The following AGBL1 variants were observed in gnomAD, a reference collection of about 807,000 sequenced individuals.
The protein encoded by AGBL1 is cytosolic carboxypeptidase 4.
Under a neutral mutation model 118.9 loss-of-function variants are expected in AGBL1, and 130 were observed. That is an observed-to-expected ratio of 1.09 (90% CI 0.95 to 1.26). The LOEUF (loss-of-function observed/expected upper bound fraction) is 1.26, where lower values mean the gene tolerates loss of function less well. AGBL1 is among the 50% of genes most tolerant of loss of function. AGBL1 has a pLI of 0.00. For missense variants in AGBL1, 1,584 were observed against 1,298.1 expected (o/e 1.22, Z -3.38); for synonymous variants, 555 against 478.9 (o/e 1.16, Z -2.08).
At chr15:86,904,349 T>C (rs955734607) in intron 22 of AGBL1, among the ~76,000 whole-genome samples, 3 of 151,162 alleles carry the variant, frequency 2.0e-5, no homozygotes, top group Non-Finnish European at 3.0e-5. Context: ...ATTTTTTTAG[T>C]ATATAATATT....
Position 86,613,309 on chromosome 15 carries a change from C to T in AGBL1, c.2994+58772C>T, listed in dbSNP as rs1426784618. 2.6e-5 allele frequency among the ~76,000 whole-genome samples: 4 copies of T among 152,112 alleles called. No individual in the cohort carries two copies. The highest frequency in any genetic ancestry group is 1.9e-4 in the East Asian group (1 of 5,182). On this transcript the variant is annotated intron_variant, in intron 21 of 22. Coordinates refer to ENST00000614907, the MANE Select transcript of AGBL1 (RefSeq NM_001386094.1). The surrounding 1 kb of genome is among the most constrained non-coding windows in gnomAD (Gnocchi z 4.2). ...AGAACTGCAGCATGGTGAAGGCAGT[C>T]GAGGTCCCATGAACTTGTAGGTGAC...
intron 22 of AGBL1, among the ~76,000 whole-genome samples, chr15:86,878,668 T>A (rs2079848408): frequency 1.3e-5 from 2 of 152,216 alleles, no homozygotes; most frequent in African/African-American, 4.8e-5. Context: ...AGATCTGTCC[T>A]CTACTGGACT....
At chr15:86,683,955 A>G (rs2086009065) in intron 22 of AGBL1, among the ~76,000 whole-genome samples, 1 of 152,094 alleles carries the variant, frequency 6.6e-6, no homozygotes, top group Non-Finnish European at 1.5e-5. Flanking sequence ...TTTATTAAGT[A>G]CCCTGTGACA....
intron 9 of AGBL1, among the ~76,000 whole-genome samples, chr15:86,258,565 T>G (rs956090552): frequency 6.6e-6 from 1 of 152,228 alleles, no homozygotes; most frequent in Non-Finnish European, 1.5e-5. Flanking sequence ...GAAGAGAGGT[T>G]GGTGAACTTC....
chr15:86,284,668 C>G (rs548256676), intron 16 of AGBL1, among the ~76,000 whole-genome samples: 1 of 152,218 alleles, frequency 6.6e-6, no homozygotes, highest in Admixed American at 6.5e-5. Flanking sequence ...ATTAGGGGAA[C>G]AGAGAGTGCA....
At chr15:86,579,033 T>A (rs1019871627) in intron 21 of AGBL1, among the ~76,000 whole-genome samples, 2 of 152,190 alleles carry the variant, frequency 1.3e-5, no homozygotes, top group Non-Finnish European at 2.9e-5. Flanking sequence ...ATACCCAGCC[T>A]AGGGTATAAC....
chr15:86,623,834 T>C (rs1158746859), intron 21 of AGBL1, among the ~76,000 whole-genome samples: 1 of 152,236 alleles, frequency 6.6e-6, no homozygotes, highest in African/African-American at 2.4e-5. Context: ...TACACTTCTG[T>C]GGATTTTACT....
At chr15:86,867,259 G>A (rs182922068) in intron 22 of AGBL1, among the ~76,000 whole-genome samples, 4 of 152,068 alleles carry the variant, frequency 2.6e-5, no homozygotes, top group Admixed American at 2.0e-4. Flanking sequence ...CTTTACCCAC[G>A]TTGGTCACAG....
At chr15:86,526,544 G>GTGTATATATATATATATATA (rs754816154) in intron 19 of AGBL1, among the ~76,000 whole-genome samples, 1 of 119,452 alleles carries the variant, frequency 8.4e-6, no homozygotes, top group African/African-American at 3.3e-5. Context: ...TTGTGTCTGT[G>GTGTATATATATATATATATA]TATATATATA....
intron 22 of AGBL1, among the ~76,000 whole-genome samples, chr15:86,693,183 A>G (rs1266148311): frequency 6.6e-6 from 1 of 152,148 alleles, no homozygotes; most frequent in Non-Finnish European, 1.5e-5. Context: ...AGGAACCTCC[A>G]CACTGTTTTC....
chr15:86,085,726 A>ACC (rs1895603332), intron 1 of AGBL1, among the ~76,000 whole-genome samples: 1 of 152,148 alleles, frequency 6.6e-6, no homozygotes, highest in Non-Finnish European at 1.5e-5. Context: ...GCTGGGATGA[A>ACC]CTGAGGCTCA....
At chr15:87,028,762 G>T (rs1031002290) in intron 24 of AGBL1, 1 of 1,522,736 alleles carries the variant, frequency 6.6e-7, no homozygotes, top group Non-Finnish European at 9.0e-7. Context: ...CAAACTTGTG[G>T]CACAAACCAG....
chr15:86,445,296 G>A (rs1450457886), intron 18 of AGBL1, among the ~76,000 whole-genome samples: 3 of 152,248 alleles, frequency 2.0e-5, no homozygotes, highest in African/African-American at 7.2e-5. Context: ...ATAGCCTTTG[G>A]TGCTTACAAA....
At chr15:86,887,636 A>G (rs543868711) in intron 22 of AGBL1, among the ~76,000 whole-genome samples, 1 of 152,204 alleles carries the variant, frequency 6.6e-6, no homozygotes, top group Non-Finnish European at 1.5e-5. Context: ...CCCTATAGAG[A>G]TGAGTTTCTG....
intron 6 of AGBL1, among the ~76,000 whole-genome samples, chr15:86,235,695 A>G (rs1235736615): frequency 1.3e-5 from 2 of 152,212 alleles, no homozygotes; most frequent in Admixed American, 6.5e-5. Context: ...AATCTCATTT[A>G]ATCTTCACCA....
chr15:86,820,772 C>G (rs976714980), intron 22 of AGBL1, among the ~76,000 whole-genome samples: 1 of 152,096 alleles, frequency 6.6e-6, no homozygotes, highest in Non-Finnish European at 1.5e-5. Flanking sequence ...GACAGTGTGA[C>G]AATTCCTCAA....
chr15:86,572,899 A>G (rs2084031487), intron 21 of AGBL1, among the ~76,000 whole-genome samples: 1 of 152,258 alleles, frequency 6.6e-6, no homozygotes, highest in Non-Finnish European at 1.5e-5. Flanking sequence ...TGACGGTTCA[A>G]GTCTTCAACA....
chr15:86,868,763 G>A (rs62032592), intron 22 of AGBL1, among the ~76,000 whole-genome samples: 17,706 of 152,160 alleles, frequency 0.12, 1,301 homozygotes, highest in Non-Finnish European at 0.16. Context: ...CTACTAAAAA[G>A]TAAGGCCTGT....
At chr15:86,350,813 TA>T (rs2080613704) in intron 17 of AGBL1, among the ~76,000 whole-genome samples, 5 of 152,208 alleles carry the variant, frequency 3.3e-5, no homozygotes, top group Admixed American at 3.3e-4. Flanking sequence ...ATGCTCCTGT[TA>T]GGAATTTATA....
Sources: allele counts gnomAD v4.1 joint callset (sites outside exome capture counted in the v4.1 genomes callset), GRCh38; gene constraint gnomAD v4.1.1; non-coding constraint Gnocchi (gnomAD v3.1); transcripts MANE v1.5; gene names NCBI Gene and HGNC (gene_info 2026-07-23, HGNC 2026-07-21).